Variants in RAPH1 observed in about 807,000 individuals in gnomAD.
RAPH1 encodes the protein Ras association (RalGDS/AF-6) and pleckstrin homology domains 1, also known as ras-associated and pleckstrin homology domains-containing protein 1.
Under a neutral mutation model 88.1 loss-of-function variants are expected in RAPH1, and 18 were observed. The ratio of observed to expected loss-of-function variants is 0.20; its 90% CI spans 0.14 to 0.30. RAPH1 has a LOEUF of 0.30. RAPH1 is among the 10% of genes least tolerant of loss of function. The pLI is 1.00. For missense variants in RAPH1, 1,448 were observed against 1,543.2 expected, an observed-to-expected ratio of 0.94 and a Z score of 1.03; for synonymous variants, 587 against 559.0, an observed-to-expected ratio of 1.05 and a Z score of -0.71.
At chr2:203,454,043 GAC>G (rs1023118212) in intron 10 of RAPH1, among the ~76,000 whole-genome samples, 1 of 152,110 alleles carries the variant, frequency 6.6e-6, no homozygotes, top group African/African-American at 2.4e-5. Context: ...TTTGAACTTG[GAC>G]ACAGTGCCCT....
At chr2:203,506,842 ATATC>A (rs370764139) in intron 1 of RAPH1, among the ~76,000 whole-genome samples, 958 of 48,532 alleles carry the variant, frequency 0.02, 130 homozygotes, top group African/African-American at 0.052. Flanking sequence ...CTATATCTAT[ATATC>A]TATCTATATC....
At chr2:203,501,538 C>T (rs569239946) in intron 1 of RAPH1, among the ~76,000 whole-genome samples, 114 of 152,244 alleles carry the variant, frequency 7.5e-4, no homozygotes, top group African/African-American at 2.6e-3. Flanking sequence ...GAGGCCAAGG[C>T]GGGCAGACTG....
Position 203,439,426 on chromosome 2 carries a change from T to C in RAPH1, c.*11A>G. The C allele has an allele frequency of 1.2e-6, 2 of 1,610,956 alleles. No homozygotes were observed. The highest frequency in any genetic ancestry group is 1.1e-5 in the South Asian group (1 of 90,948). ...GATTACAGATATCATGAAAATAAAGTCCTATGGTGGCTACCAGTCTCTGGA... is the reference window on the plus strand; with the variant it reads ...GATTACAGATATCATGAAAATAAAGCCCTATGGTGGCTACCAGTCTCTGGA... On this transcript the variant is annotated 3_prime_UTR_variant, in exon 14 of 14. Transcript: ENST00000319170.
chr2:203,500,849 C>A (rs932564177), intron 1 of RAPH1, among the ~76,000 whole-genome samples: 2 of 152,160 alleles, frequency 1.3e-5, no homozygotes, highest in African/African-American at 4.8e-5. Flanking sequence ...TTAACACACC[C>A]CAATTATTCC....
chr2:203,444,964 G>C lies in RAPH1; in HGVS notation c.1680C>G (p.Asp560Glu). 1 of 1,614,134 alleles carries C rather than the reference G, an allele frequency of 6.2e-7. No homozygotes were observed. Among genetic ancestry groups the C allele is most frequent in the South Asian group, 1.1e-5 (1 of 91,078 alleles). Residue 560 changes from aspartate (D) to glutamate (E), a missense_variant, in exon 13 of 14, where the codon GAC (aspartate) becomes GAG (glutamate). Asp to Glu is a conservative substitution (Grantham distance 45). This residue lies in a region of RAPH1 where 935 missense variants were observed against 890.1 expected (regional missense o/e 1.05). Transcript: ENST00000319170. ...HSNQSDSGVSDTQPAGHVRSQ... is the reference protein window; with the variant it reads ...HSNQSDSGVSETQPAGHVRSQ... Reference sequence around the variant, plus strand: ...AACGGACGTGTCCTGCTGGCTGGGTGTCAGAAACTCCGCTATCAGACTGAT... The same window carrying C: ...AACGGACGTGTCCTGCTGGCTGGGTCTCAGAAACTCCGCTATCAGACTGAT...
intron 1 of RAPH1, among the ~76,000 whole-genome samples, chr2:203,527,597 G>A (rs1326198772): frequency 1.3e-5 from 2 of 151,848 alleles, no homozygotes; most frequent in Admixed American, 6.6e-5. Flanking sequence ...TCAGGAGTTC[G>A]AGACCAGCCT....
rs771215462 is a variant in RAPH1, at chr2:203,440,213, T to C, written c.2977A>G (p.Lys993Glu). The change falls in exon 14 of 14, where the codon AAG (lysine) becomes GAG (glutamate). Residue 993 changes from lysine to glutamate, a missense_variant. Transcript: ENST00000319170. ...ACTAGACTGTCCACCGAGGGTCTCTTGGGCTCGGGGTGCTCTGCACCACTG... is the reference window on the plus strand; with the variant it reads ...ACTAGACTGTCCACCGAGGGTCTCTCGGGCTCGGGGTGCTCTGCACCACTG... The part of the protein sequence containing the change: ...SSSGAEHPEP[K>E]RPSVDSLVSK... 25 of 1,613,830 alleles carry C rather than the reference T, an allele frequency of 1.5e-5. No homozygotes were observed. Among genetic ancestry groups the C allele is most frequent in the Non-Finnish European group, 1.9e-5 (23 of 1,180,012 alleles).
At chr2:203,489,251 T>C (rs1472930970) in intron 4 of RAPH1, among the ~76,000 whole-genome samples, 1 of 152,198 alleles carries the variant, frequency 6.6e-6, no homozygotes, top group Non-Finnish European at 1.5e-5. Context: ...TTACTTTAAA[T>C]CAACATACAT....
chr2:203,511,162 C>T (rs1398490848), intron 1 of RAPH1, among the ~76,000 whole-genome samples: 2 of 151,814 alleles, frequency 1.3e-5, no homozygotes, highest in African/African-American at 2.4e-5. Flanking sequence ...CATTTTTCAC[C>T]CCAGAGCAAC....
intron 1 of RAPH1, among the ~76,000 whole-genome samples, chr2:203,526,122 A>G (rs1690102886): frequency 6.6e-6 from 1 of 152,186 alleles, no homozygotes; most frequent in Admixed American, 6.5e-5. Flanking sequence ...ATAATTCCTA[A>G]AAGGATAATG....
At chr2:203,447,053 TAC>T (rs2098510430) in intron 12 of RAPH1, 1 of 152,208 alleles carries the variant, frequency 6.6e-6, no homozygotes, top group African/African-American at 2.4e-5. Flanking sequence ...TGCCTGGCCC[TAC>T]TGTCGTTTTT....
rs1690567073 is a variant in RAPH1, at chr2:203,535,246, G to A, written c.-136C>T. ...CGCAGCGACTGCCAGCAGCTCCCGCGCCGCGCGCTCAGTGACTGACTGACT... is the reference window on the plus strand; with the variant it reads ...CGCAGCGACTGCCAGCAGCTCCCGCACCGCGCGCTCAGTGACTGACTGACT... On this transcript the variant is annotated 5_prime_UTR_variant, in exon 1 of 14. Transcript: ENST00000319170. 1 of 150,386 alleles carries A rather than the reference G, an allele frequency of 6.6e-6. No homozygotes were observed. The highest frequency in any genetic ancestry group is 2.4e-5 in the African/African-American group (1 of 40,870). The allele number at this position is 150,386 out of a possible 1,614,324, so 9.3% of individuals were successfully genotyped here.
At chr2:203,493,305 A>T (rs1688355346) in intron 2 of RAPH1, among the ~76,000 whole-genome samples, 1 of 152,202 alleles carries the variant, frequency 6.6e-6, no homozygotes, top group Admixed American at 6.5e-5. Flanking sequence ...TCAGGGCAGC[A>T]TCATGTAGTT....
intron 5 of RAPH1, 32 bp from the exon 6 acceptor site, chr2:203,461,440 A>G (rs748084603): frequency 4.6e-6 from 7 of 1,508,660 alleles, no homozygotes; most frequent in Non-Finnish European, 6.2e-6. Flanking sequence ...GTAAATGAAC[A>G]CTAAAAAATG....
chr2:203,529,850 G>A (rs1214318513), intron 1 of RAPH1, among the ~76,000 whole-genome samples: 2 of 152,138 alleles, frequency 1.3e-5, no homozygotes, highest in Non-Finnish European at 1.5e-5. Flanking sequence ...CTAAAGGGAT[G>A]ACTTGTTCCT....
intron 13 of RAPH1, chr2:203,443,624 G>T (rs981465990): frequency 6.8e-6 from 1 of 147,502 alleles, no homozygotes; most frequent in Non-Finnish European, 1.5e-5. Context: ...AATGCCCAAA[G>T]AAATGGCAAA....
At chr2:203,452,670 A>G (rs530144233) in intron 10 of RAPH1, among the ~76,000 whole-genome samples, 36 of 152,326 alleles carry the variant, frequency 2.4e-4, no homozygotes, top group East Asian at 1.5e-3. Flanking sequence ...CTACAAGAAT[A>G]CACAGGCCAG....
chr2:203,464,549 G>A (rs779350676), intron 4 of RAPH1, among the ~76,000 whole-genome samples: 1 of 152,156 alleles, frequency 6.6e-6, no homozygotes, highest in Non-Finnish European at 1.5e-5. Context: ...GGGATTACAG[G>A]CATGAGCCAC....
intron 3 of RAPH1, among the ~76,000 whole-genome samples, chr2:203,490,306 G>C (rs1688202344): frequency 6.6e-6 from 1 of 152,174 alleles, no homozygotes; most frequent in Non-Finnish European, 1.5e-5. Context: ...AATAAATTAT[G>C]AGTTCAAAGA....
Sources: gnomAD v4.1 joint callset for allele counts (sites outside exome capture counted in the v4.1 genomes callset) on GRCh38, gnomAD v4.1.1 for gene constraint, gnomAD v4.1.1 regional missense constraint, MANE v1.5 for transcripts, NCBI Gene and HGNC (gene_info 2026-07-23, HGNC 2026-07-21) for gene names.